Variants in TNRC18 observed in about 807,000 individuals in gnomAD.
TNRC18 encodes the protein trinucleotide repeat-containing gene 18 protein.
Under a neutral mutation model 226.7 loss-of-function variants are expected in TNRC18, and 69 were observed. The ratio of observed to expected loss-of-function variants is 0.30; its 90% CI spans 0.25 to 0.37. The LOEUF (loss-of-function observed/expected upper bound fraction) is 0.37, where lower values mean the gene tolerates loss of function less well. Among genes scored for constraint, TNRC18 ranks in the 10% least tolerant of loss-of-function variants. TNRC18 has a pLI of 1.00. For synonymous variants in TNRC18, 2,449 were observed against 1,927.6 expected, an observed-to-expected ratio of 1.27 and a Z score of -7.09; for missense variants, 4,754 against 4,256.6, an observed-to-expected ratio of 1.12 and a Z score of -3.25.
intron 2 of TNRC18, among the ~76,000 whole-genome samples, chr7:5,408,348 A>AAGG (rs1781617537): frequency 6.6e-6 from 1 of 151,620 alleles, no homozygotes; most frequent in African/African-American, 2.4e-5. Context: ...GAGAAGTGGA[A>AAGG]AGGAGGAAAC....
At chr7:5,355,585 A>G (rs968835960) in intron 16 of TNRC18, among the ~76,000 whole-genome samples, 1 of 152,190 alleles carries the variant, frequency 6.6e-6, no homozygotes, top group African/African-American at 2.4e-5. Context: ...CCCCATCTCT[A>G]CGAAAATAAA....
rs1288846971 is a variant in TNRC18, at chr7:5,388,839, G to A, written c.985C>T (p.Arg329Cys). Reference protein sequence around the residue: ...RRTETLLPGPRPCPSPLPPPP... With the variant: ...RRTETLLPGPCPCPSPLPPPP... ...GGGGGCAGCGGTGAGGGGCAGGGGCGCGGCCCAGGGAGCAGGGTCTCCGTG... is the reference window on the plus strand; with the variant it reads ...GGGGGCAGCGGTGAGGGGCAGGGGCACGGCCCAGGGAGCAGGGTCTCCGTG... Residue 329 changes from arginine (R) to cysteine (C), a missense_variant, in exon 5 of 30, where the codon CGC becomes TGC. Arg to Cys is a radical substitution (Grantham distance 180). Transcript: ENST00000430969. The A allele has an allele frequency of 3.3e-6, 4 of 1,216,118 alleles. No individual in the cohort carries two copies. The highest frequency in any genetic ancestry group is 4.7e-5 in the South Asian group (2 of 42,802). The allele number at this position is 1,216,118 out of a possible 1,614,324, so 75.3% of individuals were successfully genotyped here.
At chr7:5,318,306 A>G (rs2128110176) in intron 24 of TNRC18, among the ~76,000 whole-genome samples, 1 of 152,320 alleles carries the variant, frequency 6.6e-6, no homozygotes, top group Admixed American at 6.5e-5. Flanking sequence ...GACGTGAGCC[A>G]CCGCAGCTGG....
At chr7:5,339,482 T>C (rs986949525) in intron 18 of TNRC18, among the ~76,000 whole-genome samples, 2 of 151,770 alleles carry the variant, frequency 1.3e-5, no homozygotes, top group Non-Finnish European at 2.9e-5. Context: ...TCTGATGTTC[T>C]ATCTGCCTCG....
rs368786539 is a variant in TNRC18, at chr7:5,376,245, C to T, written c.2609-21G>A. On this transcript the variant is annotated intron_variant, in intron 8 of 29. Transcript: ENST00000430969. The stretch of plus-strand genomic sequence containing the variant: ...CTCCGCTGCAGGGACAGAGACAGTG[C>T]GCTGCACCTGCGGCCTGATGCTCCA... The T allele has an allele frequency of 8.5e-5, 124 of 1,456,958 alleles. 1 individual carries two copies. Among genetic ancestry groups the T allele is most frequent in the African/African-American group, 2.7e-4 (19 of 70,022 alleles). The allele number at this position is 1,456,958 out of a possible 1,614,324, so 90.3% of individuals were successfully genotyped here. A position where few individuals can be genotyped will look rare whatever the true frequency, so the allele number is the denominator to read the frequency against.
chr7:5,356,794 CAG>C (rs756427147), intron 16 of TNRC18, 120 bp downstream of exon 16: 34 of 1,366,396 alleles, frequency 2.5e-5, no homozygotes, highest in African/African-American at 4.5e-5. Context: ...TAGTGCGCCC[CAG>C]AGAGAGAGCG....
intron 1 of TNRC18, chr7:5,423,012 G>A (rs1055756420): frequency 1.3e-5 from 2 of 152,282 alleles, no homozygotes; most frequent in African/African-American, 2.4e-5. Context: ...TGGCAAAGAA[G>A]CTGCCTCGGC....
chr7:5,349,144 G>C (rs1188287618), intron 17 of TNRC18, among the ~76,000 whole-genome samples: 4 of 152,226 alleles, frequency 2.6e-5, no homozygotes, highest in African/African-American at 7.2e-5. Flanking sequence ...CCAGAGCCCA[G>C]AAAGCCGAGA....
At chr7:5,349,759 G>A (rs1248743905) in intron 17 of TNRC18, among the ~76,000 whole-genome samples, 1 of 152,224 alleles carries the variant, frequency 6.6e-6, no homozygotes, top group African/African-American at 2.4e-5. Flanking sequence ...AGGGTGGAGG[G>A]ATGGTCGGGC....
chr7:5,357,386 G>A (rs983068472), intron 15 of TNRC18, 110 bp from the exon 16 acceptor site: 1 of 1,180,888 alleles, frequency 8.5e-7, no homozygotes, highest in Non-Finnish European at 1.2e-6. Context: ...CTGCCTCTGT[G>A]ATTTAACTCC....
rs772594282 is a variant in TNRC18 at position 5,313,315 on chromosome 7, C to T, written c.7576G>A (p.Ala2526Thr). 12 of 1,549,434 alleles carry T rather than the reference C, an allele frequency of 7.7e-6. No individual in the cohort carries two copies. The highest frequency in any genetic ancestry group is 5.9e-5 in the South Asian group (5 of 84,076). Residue 2526 changes from alanine (A) to threonine (T), a missense_variant, in exon 27 of 30, where the codon GCC becomes ACC. By Grantham distance (58) the Ala-to-Thr change is moderately conservative. Coordinates refer to ENST00000430969, the MANE Select transcript of TNRC18 (RefSeq NM_001080495.3). ...PWPKATDGDL[A>T]QEPGPGLTFE... is the part of the protein sequence containing the mutation. ...GTGAGCCCCGGCCCGGGCTCCTGGG[C>T]GAGGTCCCCGTCGGTGGCCTTGGGC...
intron 17 of TNRC18, among the ~76,000 whole-genome samples, chr7:5,349,997 C>T (rs1480137182): frequency 1.3e-5 from 2 of 152,208 alleles, no homozygotes. Flanking sequence ...CCCGGAGCCC[C>T]TTCCTAAGAG....
intron 4 of TNRC18, 91 bp from the exon 5 acceptor site, chr7:5,389,427 A>G: frequency 8.6e-7 from 1 of 1,167,894 alleles, no homozygotes; most frequent in Non-Finnish European, 1.0e-6. Context: ...AGGGGGATGG[A>G]CCAACCCATG....
chr7:5,318,906 C>T (rs1044370453), intron 24 of TNRC18, among the ~76,000 whole-genome samples: 4 of 152,170 alleles, frequency 2.6e-5, no homozygotes, highest in African/African-American at 9.7e-5. Context: ...AGAAATTTAA[C>T]TCCCACAGAC....
chr7:5,385,304 A>T (rs1205173044), intron 5 of TNRC18, among the ~76,000 whole-genome samples: 1 of 151,884 alleles, frequency 6.6e-6, no homozygotes, highest in Non-Finnish European at 1.5e-5. Flanking sequence ...CTGGCTAACA[A>T]GGTGAAACCC....
chr7:5,405,350 C>G (rs1180688628), intron 2 of TNRC18, among the ~76,000 whole-genome samples: 2 of 152,190 alleles, frequency 1.3e-5, no homozygotes, highest in Non-Finnish European at 2.9e-5. Context: ...GAGTGGATCA[C>G]TTGAGGTCAG....
Position 5,321,057 on chromosome 7 carries a change from C to A in TNRC18, c.6560+16G>T, listed in dbSNP as rs1042856288. The A allele has an allele frequency of 3.9e-6, 6 of 1,524,418 alleles. No homozygotes were observed. Among genetic ancestry groups the A allele is most frequent in the South Asian group, 1.2e-5 (1 of 83,122 alleles). The allele number at this position is 1,524,418 out of a possible 1,614,324, so 94.4% of individuals were successfully genotyped here. On this transcript the variant is annotated intron_variant, in intron 22 of 29. Coordinates refer to ENST00000430969, the MANE Select transcript of TNRC18 (RefSeq NM_001080495.3). ...TGGGACACGGGGCTCTGTGCCGGAC[C>A]TCCCACCCCACTCACATGTCTGGCG...
At chr7:5,416,834 T>C (rs1028090640) in intron 2 of TNRC18, among the ~76,000 whole-genome samples, 5 of 150,810 alleles carry the variant, frequency 3.3e-5, no homozygotes, top group African/African-American at 1.2e-4. Flanking sequence ...CTATAGAAAA[T>C]TTTAAAATTA....
chr7:5,404,592 A>C (rs1781339060), intron 2 of TNRC18, among the ~76,000 whole-genome samples: 1 of 152,050 alleles, frequency 6.6e-6, no homozygotes, highest in Non-Finnish European at 1.5e-5. Context: ...CAGCTTTTGG[A>C]AAACAAATCC....
Sources: allele counts gnomAD v4.1 joint callset (sites outside exome capture counted in the v4.1 genomes callset), GRCh38; gene constraint gnomAD v4.1.1; transcripts MANE v1.5; gene names NCBI Gene and HGNC (gene_info 2026-07-23, HGNC 2026-07-21).